Variants in SERPING1 observed in about 807,000 individuals in gnomAD.
The protein encoded by SERPING1 is serpin family G member 1, also known as plasma protease C1 inhibitor.
In SERPING1, 5 loss-of-function variants were observed where a neutral mutation model predicts 34.1. That is an observed-to-expected ratio of 0.15 (90% CI 0.08 to 0.31). SERPING1 has a LOEUF of 0.31. Among genes scored for constraint, SERPING1 ranks in the 10% least tolerant of loss-of-function variants. The pLI is 1.00. For missense variants in SERPING1, 505 were observed against 609.5 expected (o/e 0.83, Z 1.81); for synonymous variants, 225 against 242.4 (o/e 0.93, Z 0.67).
In SERPING1 at chr11:57,600,135, C is replaced by T. The variant is rs1565169610; in HGVS notation, c.308C>T (p.Thr103Ile). ...EPTTQPTIQP[T>I]QPTTQLPTDS... Reference sequence around the variant, plus strand: ...ACCACCCAACCCACCATCCAACCCACCCAACCAACTACCCAGCTCCCAACA... The same window carrying T: ...ACCACCCAACCCACCATCCAACCCATCCAACCAACTACCCAGCTCCCAACA... The change falls in exon 3 of 8, where the codon ACC (threonine) becomes ATC (isoleucine). Residue 103 changes from threonine (T) to isoleucine (I), a missense_variant. Physicochemically the swap from Thr to Ile is moderately conservative, Grantham distance 89. Coordinates refer to ENST00000278407, the MANE Select transcript of SERPING1 (RefSeq NM_000062.3). 1.2e-6 allele frequency: 2 copies of T among 1,613,314 alleles called. No homozygotes were observed. Among genetic ancestry groups the T allele is most frequent in the East Asian group, 2.2e-5 (1 of 44,864 alleles).
Position 57,614,536 on chromosome 11 carries a change from C to A in SERPING1, c.1458C>A (p.His486Gln), listed in dbSNP as rs1945517217. The A allele has an allele frequency of 2.5e-6, 4 of 1,614,080 alleles. No individual in the cohort carries two copies. The African/African-American group carries it at 4.0e-5, about 16-fold the overall frequency. ...TCTTCGTGCTCTGGGACCAGCAGCA[C>A]AAGTTCCCTGTCTTCATGGGGCGAG... ...PFLFVLWDQQ[H>Q]KFPVFMGRVY... The change falls in exon 8 of 8, where the codon CAC becomes CAA. Residue 486 changes from histidine (H) to glutamine (Q), a missense_variant. By Grantham distance (24) the His-to-Gln change is conservative. Coordinates refer to ENST00000278407, the MANE Select transcript of SERPING1 (RefSeq NM_000062.3).
intron 7 of SERPING1, among the ~76,000 whole-genome samples, chr11:57,612,722 A>T (rs1327445093): frequency 1.4e-5 from 2 of 144,764 alleles, no homozygotes; most frequent in African/African-American, 5.2e-5. Flanking sequence ...CAGCCCAGAG[A>T]CTCCATTTTC....
chr11:57,607,538 C>G (rs1216921089), intron 6 of SERPING1, among the ~76,000 whole-genome samples: 1 of 152,204 alleles, frequency 6.6e-6, no homozygotes, highest in African/African-American at 2.4e-5. Context: ...CCTTCTGTAT[C>G]TGTAGTGCCT....
intron 4 of SERPING1, among the ~76,000 whole-genome samples, chr11:57,602,619 G>A (rs1945361982): frequency 6.6e-6 from 1 of 151,926 alleles, no homozygotes; most frequent in Admixed American, 6.6e-5. Flanking sequence ...GCTGGGCATG[G>A]TGGCGGGCAC....
chr11:57,613,699 T>C (rs1590830885), intron 7 of SERPING1, among the ~76,000 whole-genome samples: 1 of 152,160 alleles, frequency 6.6e-6, no homozygotes. Flanking sequence ...GTAGGCATGA[T>C]TGATTATTAC....
At chr11:57,610,559 C>T (rs1432150614) in intron 6 of SERPING1, among the ~76,000 whole-genome samples, 3 of 152,122 alleles carry the variant, frequency 2.0e-5, no homozygotes, top group African/African-American at 7.2e-5. Flanking sequence ...TCTTTATTGC[C>T]CAGTTGAATT....
chr11:57,600,101 A>C lies in SERPING1; in HGVS notation c.274A>C (p.Thr92Pro). 6.2e-7 allele frequency: 1 copy of C among 1,613,560 alleles called. No individual in the cohort carries two copies. The highest frequency in any genetic ancestry group is 8.5e-7 in the Non-Finnish European group (1 of 1,179,702). The change falls in exon 3 of 8, where the codon ACA becomes CCA. Residue 92 changes from threonine to proline, a missense_variant. Thr to Pro is a conservative substitution (Grantham distance 38, BLOSUM62 -1). Transcript: ENST00000278407. ...TTDEPTTQPTTEPTTQPTIQP... is the reference protein window; with the variant it reads ...TTDEPTTQPTPEPTTQPTIQP... ...TGATGAACCCACCACACAACCCACC[A>C]CAGAGCCCACCACCCAACCCACCAT...
chr11:57,606,351 T>C lies in SERPING1; in HGVS notation c.890-57T>C, dbSNP rs2135318067. Reference sequence around the variant, plus strand: ...ACTCTTTGCTAACAAGGCTTTTAGCTCCTCTTCATCCTTTTCCTACCTGCA... The same window carrying C: ...ACTCTTTGCTAACAAGGCTTTTAGCCCCTCTTCATCCTTTTCCTACCTGCA... On this transcript the variant is annotated intron_variant, in intron 5 of 7. Transcript: ENST00000278407. The C allele has an allele frequency of 1.9e-6, 3 of 1,608,508 alleles. No homozygotes were observed. In the East Asian group the frequency reaches 6.7e-5, roughly 36 times the overall value.
Position 57,614,636 on chromosome 11 carries a change from T to A in SERPING1, c.*55T>A. 1.3e-6 allele frequency: 2 copies of A among 1,590,312 alleles called. No individual in the cohort carries two copies. Among genetic ancestry groups the A allele is most frequent in the Non-Finnish European group, 1.7e-6 (2 of 1,172,824 alleles). ...TACCTCTCCAGCCTCAGCTCTCAGT[T>A]GCAGCCCTGCTGCTGCCTGCCTGGA... On this transcript the variant is annotated 3_prime_UTR_variant, in exon 8 of 8. Transcript: ENST00000278407.
chr11:57,606,304 C>T (rs183111473), intron 5 of SERPING1, 91 bp downstream of exon 5: 42 of 1,594,132 alleles, frequency 2.6e-5, no homozygotes, highest in Admixed American at 1.5e-4. Context: ...GTTCTACAAT[C>T]GGATCTCAAT....
chr11:57,611,680 G>T lies in SERPING1; in HGVS notation c.1030-37G>T, dbSNP rs749582620. On this transcript the variant is annotated intron_variant, in intron 6 of 7. Transcript: ENST00000278407. ...AGGGTGGGGCCAGGAGAGAGATGCG[G>T]TAGGAAGACTGTTAAGATGCATCTC... 8 of 1,571,428 alleles carry T rather than the reference G, an allele frequency of 5.1e-6. No individual in the cohort carries two copies. The African/African-American group carries it at 1.1e-4, about 21-fold the overall frequency.
At chr11:57,612,223 A>G (rs541193585) in intron 7 of SERPING1, among the ~76,000 whole-genome samples, 2 of 152,108 alleles carry the variant, frequency 1.3e-5, no homozygotes, top group East Asian at 1.9e-4. Context: ...AGTTTTTTCT[A>G]TGGTTCCTTG....
chr11:57,602,136 G>A lies in SERPING1; in HGVS notation c.652G>A (p.Val218Ile), dbSNP rs1945354869. ...QALKGFTTKG[V>I]TSVSQIFHSP... ...CCTGAAGGGCTTCACGACCAAAGGT[G>A]TCACCTCAGTCTCTCAGATCTTCCA... Residue 218 changes from valine (V) to isoleucine (I), a missense_variant, in exon 4 of 8, where the codon GTC (valine) becomes ATC (isoleucine). Val to Ile is a conservative substitution (Grantham distance 29). Coordinates refer to ENST00000278407, the MANE Select transcript of SERPING1 (RefSeq NM_000062.3). 6.2e-7 allele frequency: 1 copy of A among 1,614,216 alleles called. No homozygotes were observed. Among genetic ancestry groups the A allele is most frequent in the South Asian group, 1.1e-5 (1 of 91,092 alleles).
chr11:57,601,941 T>A (rs1945351893), intron 3 of SERPING1, 94 bp from the exon 4 acceptor site: 5 of 1,238,172 alleles, frequency 4.0e-6, no homozygotes, highest in Non-Finnish European at 3.4e-6. Context: ...AAGCAGGGAA[T>A]ACCCTCCATT....
chr11:57,606,536 T>C lies in SERPING1; in HGVS notation c.1018T>C (p.Leu340=). The C allele has an allele frequency of 6.2e-7, 1 of 1,614,170 alleles. No homozygotes were observed. Among genetic ancestry groups the C allele is most frequent in the South Asian group, 1.1e-5 (1 of 91,078 alleles). Residue 340 remains leucine (L), a synonymous_variant, in exon 6 of 8, where the codon TTG becomes CTG. Transcript: ENST00000278407. ...YPVAHFIDQT[L]KAKVGQLQLS... ...TGTGGCCCATTTCATTGACCAAACT[T>C]TGAAAGCCAAGGTAAGTTCTTAACC...
In SERPING1 at chr11:57,606,138, A is replaced by G. The variant is rs1180062081; in HGVS notation, c.814A>G (p.Asn272Asp). The G allele has an allele frequency of 1.9e-6, 3 of 1,613,948 alleles. No homozygotes were observed. Among genetic ancestry groups the G allele is most frequent in the Non-Finnish European group, 2.5e-6 (3 of 1,180,004 alleles). Residue 272 changes from asparagine (N) to aspartate (D), a missense_variant, in exon 5 of 8, where the codon AAC becomes GAC. Asn to Asp is a conservative substitution (Grantham distance 23). Transcript: ENST00000278407. ...INTWVAKNTN[N>D]KISRLLDSLP... ...CACCTGGGTGGCCAAGAACACCAAC[A>G]ACAAGATCAGCCGGCTGCTAGACAG...
intron 3 of SERPING1, among the ~76,000 whole-genome samples, chr11:57,601,752 A>G (rs1217204483): frequency 6.6e-6 from 1 of 150,440 alleles, no homozygotes; most frequent in Non-Finnish European, 1.5e-5. Flanking sequence ...TGTCCCAGCT[A>G]CTTGGGAGGC....
At chr11:57,614,305 GT>G (rs1565173997) in intron 7 of SERPING1, 22 bp from the exon 8 acceptor site, 1 of 1,612,308 alleles carries the variant, frequency 6.2e-7, no homozygotes. Flanking sequence ...TTCTGACTCT[GT>G]TTTTCTCTGG....
In SERPING1 at chr11:57,600,226, G is replaced by A. The variant is rs1360156585; in HGVS notation, c.399G>A (p.Leu133=). Residue 133 remains leucine (L), a synonymous_variant, in exon 3 of 8, where the codon TTG becomes TTA. Transcript: ENST00000278407. ...CPGPVTLCSD[L]ESHSTEAVLG... ...GACCTGTTACTCTCTGCTCTGACTT[G>A]GAGAGTCATTCAACAGAGGCCGTGT... 6.2e-7 allele frequency: 1 copy of A among 1,613,496 alleles called. No homozygotes were observed. Among genetic ancestry groups the A allele is most frequent in the Non-Finnish European group, 8.5e-7 (1 of 1,179,978 alleles).
Sources: gnomAD v4.1 joint callset for allele counts (sites outside exome capture counted in the v4.1 genomes callset) on GRCh38, gnomAD v4.1.1 for gene constraint, MANE v1.5 for transcripts, NCBI Gene and HGNC (gene_info 2026-07-23, HGNC 2026-07-21) for gene names.